TSEN2: variants seen among roughly 807,000 people sequenced by gnomAD.
TSEN2 encodes tRNA-splicing endonuclease subunit Sen2.
TSEN2 carries 54 observed loss-of-function variants against 59.2 expected under a neutral mutation model. The observed-to-expected ratio is 0.91, with a 90% CI of 0.73 to 1.14. The LOEUF (loss-of-function observed/expected upper bound fraction) is 1.14. TSEN2 is among the 50% of genes most tolerant of loss of function. TSEN2 has a pLI of 0.00. For missense variants in TSEN2, 636 were observed against 576.2 expected (o/e 1.10, Z -1.06); for synonymous variants, 195 against 198.2 (o/e 0.98, Z 0.14).
At chr3:12,537,665 A>T (rs1292891477), downstream of TSEN2, among the ~76,000 whole-genome samples, 1 of 152,144 alleles carries the variant, frequency 6.6e-6, no homozygotes, top group Non-Finnish European at 1.5e-5. Context: ...AGTGTGGCCC[A>T]GGGGTTAAGG....
At chr3:12,509,829 A>T (rs2055241913) in intron 6 of TSEN2, among the ~76,000 whole-genome samples, 1 of 152,206 alleles carries the variant, frequency 6.6e-6, no homozygotes, top group Non-Finnish European at 1.5e-5. Flanking sequence ...TGAGTTTATT[A>T]ACATCAGCAA....
intron 6 of TSEN2, among the ~76,000 whole-genome samples, chr3:12,510,481 A>G (rs1441574634): frequency 1.3e-5 from 2 of 152,344 alleles, no homozygotes; most frequent in Non-Finnish European, 1.5e-5. Context: ...AAATAAAGAC[A>G]ATAGTCCCCA....
chr3:12,522,308 T>C (rs932769247), intron 8 of TSEN2, among the ~76,000 whole-genome samples: 2 of 152,116 alleles, frequency 1.3e-5, no homozygotes, highest in African/African-American at 4.8e-5. Flanking sequence ...AACTACTCAG[T>C]TTACAACTCC....
chr3:12,494,811 T>C (rs1013459213), intron 3 of TSEN2, among the ~76,000 whole-genome samples: 1 of 152,024 alleles, frequency 6.6e-6, no homozygotes, highest in Non-Finnish European at 1.5e-5. Context: ...TTTGTAACCA[T>C]ATAAATGTAT....
At chr3:12,499,082 C>G (rs1221508553) in intron 4 of TSEN2, among the ~76,000 whole-genome samples, 1 of 152,048 alleles carries the variant, frequency 6.6e-6, no homozygotes, top group Non-Finnish European at 1.5e-5. Flanking sequence ...TTTCTGATGC[C>G]TCTGAAATTC....
At chr3:12,508,839 A>C (rs2055114909) in intron 6 of TSEN2, among the ~76,000 whole-genome samples, 1 of 152,168 alleles carries the variant, frequency 6.6e-6, no homozygotes, top group Admixed American at 6.6e-5. Context: ...CAAACACTCA[A>C]ATGCTTTGCT....
intron 6 of TSEN2, among the ~76,000 whole-genome samples, chr3:12,515,171 G>A (rs1243706319): frequency 6.6e-6 from 1 of 152,164 alleles, no homozygotes; most frequent in African/African-American, 2.4e-5. Context: ...AGATAGCCAG[G>A]CAGAGAATGA....
intron 6 of TSEN2, among the ~76,000 whole-genome samples, chr3:12,505,916 G>A (rs1293199723): frequency 1.3e-5 from 2 of 151,754 alleles, no homozygotes; most frequent in African/African-American, 2.4e-5. Context: ...AGTGAGCCAC[G>A]ATTGCACTAC....
At chr3:12,502,397 G>C (rs536728866) in intron 4 of TSEN2, among the ~76,000 whole-genome samples, 5 of 152,146 alleles carry the variant, frequency 3.3e-5, no homozygotes, top group Non-Finnish European at 5.9e-5. Context: ...TTAGCTGGGG[G>C]TGGTGACGCA....
intron 6 of TSEN2, among the ~76,000 whole-genome samples, chr3:12,515,434 G>T (rs1157850500): frequency 6.6e-6 from 1 of 152,222 alleles, no homozygotes; most frequent in Non-Finnish European, 1.5e-5. Context: ...AGCCGAAGCA[G>T]AATATTTGAT....
chr3:12,506,768 C>T, intron 6 of TSEN2: 1 of 985,384 alleles, frequency 1.0e-6, no homozygotes, highest in East Asian at 1.1e-4. Context: ...CTCCCCTCTT[C>T]TCCAGGAGCT....
chr3:12,519,557 A>G (rs1332245741), intron 8 of TSEN2, among the ~76,000 whole-genome samples: 2 of 152,158 alleles, frequency 1.3e-5, no homozygotes, highest in African/African-American at 4.8e-5. Flanking sequence ...CATCCTGACT[A>G]ACAAAGTGAA....
intron 11 of TSEN2, among the ~76,000 whole-genome samples, 163 bp downstream of exon 11, chr3:12,531,822 T>C (rs2057476700): frequency 6.6e-6 from 1 of 152,196 alleles, no homozygotes; most frequent in South Asian, 2.1e-4. Context: ...ATTGAACCCA[T>C]TGGACACGAA....
At chr3:12,516,406 CAG>C (rs1433469988) in intron 6 of TSEN2, among the ~76,000 whole-genome samples, 4 of 150,822 alleles carry the variant, frequency 2.7e-5, no homozygotes, top group Admixed American at 1.3e-4. Context: ...GCCTGGACGA[CAG>C]AGTGAGACTC....
intron 8 of TSEN2, among the ~76,000 whole-genome samples, chr3:12,521,348 T>A (rs948273791): frequency 3.3e-5 from 5 of 152,210 alleles, no homozygotes; most frequent in African/African-American, 4.8e-5. Context: ...CTACATGACG[T>A]AGTTTCTGCA....
At chr3:12,530,891 C>A in intron 10 of TSEN2, 2 of 312,296 alleles carry the variant, frequency 6.4e-6, no homozygotes, top group Non-Finnish European at 9.3e-6. Flanking sequence ...ACCTGCTGTA[C>A]ATCTGTATTA....
rs569860335 is a variant in TSEN2 at position 12,505,824 on chromosome 3, G to C, written c.909+593G>C. ...AAAAAAGGCTTTATGTTGATGGCTA[G>C]GTGTGATGGCTTATGCCTGTAGTCC... On this transcript the variant is annotated intron_variant, in intron 6 of 11. Coordinates refer to ENST00000284995, the MANE Select transcript of TSEN2 (RefSeq NM_025265.4). Among the ~76,000 whole-genome samples the C allele has an allele frequency of 4.3e-4, 65 of 150,598 alleles. 1 individual carries two copies. The highest frequency in any genetic ancestry group is 9.3e-4 in the African/African-American group (38 of 40,778).
At chr3:12,497,730 G>A (rs1229827412) in intron 4 of TSEN2, among the ~76,000 whole-genome samples, 1 of 152,222 alleles carries the variant, frequency 6.6e-6, no homozygotes, top group Non-Finnish European at 1.5e-5. Context: ...TCCCTGAAGA[G>A]CATCTCTTTA....
chr3:12,522,019 TAAAA>T (rs1248900499), intron 8 of TSEN2, among the ~76,000 whole-genome samples: 3 of 41,770 alleles, frequency 7.2e-5, no homozygotes, highest in African/African-American at 1.6e-4. Context: ...AAAATAATAA[TAAAA>T]AATAAAAATA....
Sources: gnomAD v4.1 joint callset for allele counts (sites outside exome capture counted in the v4.1 genomes callset) on GRCh38, gnomAD v4.1.1 for gene constraint, MANE v1.5 for transcripts, NCBI Gene and HGNC (gene_info 2026-07-23, HGNC 2026-07-21) for gene names.